The following RNF144B variants were observed in gnomAD, a reference collection of about 807,000 sequenced individuals.
The protein encoded by RNF144B is ring finger protein 144B.
RNF144B carries 25 observed loss-of-function variants against 40.2 expected under a neutral mutation model. The observed-to-expected ratio is 0.62, with a 90% CI of 0.45 to 0.87. RNF144B has a LOEUF of 0.87. Ranked by LOEUF, RNF144B falls within the 40% of genes least tolerant of loss-of-function variation. The probability of loss-of-function intolerance (pLI) is 0.00; values close to 1 mark genes in which losing one functional copy is unlikely to be tolerated. For missense variants in RNF144B, 365 were observed against 373.7 expected (o/e 0.98, Z 0.19); for synonymous variants, 145 against 136.3 (o/e 1.06, Z -0.44).
chr6:18,408,785 A>G (rs1038027001), intron 2 of RNF144B, among the ~76,000 whole-genome samples: 1 of 152,108 alleles, frequency 6.6e-6, no homozygotes, highest in Non-Finnish European at 1.5e-5. Context: ...TTACTTCCTT[A>G]TAGGCATGAC....
At chr6:18,462,017 C>G (rs1759466103) in intron 6 of RNF144B, among the ~76,000 whole-genome samples, 1 of 152,190 alleles carries the variant, frequency 6.6e-6, no homozygotes. Flanking sequence ...GTTCAGTTAT[C>G]TCTTTCCTCT....
rs1758773264 is a variant in RNF144B at position 18,434,545 on chromosome 6, C to T, written c.271-5139C>T. Among the ~76,000 whole-genome samples the T allele has an allele frequency of 1.3e-5, 2 of 152,180 alleles. No individual in the cohort carries two copies. The highest frequency in any genetic ancestry group is 4.8e-5 in the African/African-American group (2 of 41,444). On this transcript the variant is annotated intron_variant, in intron 3 of 7. Coordinates refer to ENST00000259939, the MANE Select transcript of RNF144B (RefSeq NM_182757.4). This position sits in a 1 kb window ranked among gnomAD's most constrained non-coding sequence, Gnocchi z 4.1. Reference sequence around the variant, plus strand: ...ACTCCCGTGTGTAGGTGTGGTCTGGCTTCCCTGGATATGCTCTGCTAGGGA... The same window carrying T: ...ACTCCCGTGTGTAGGTGTGGTCTGGTTTCCCTGGATATGCTCTGCTAGGGA...
At chr6:18,427,995 C>G (rs921577538) in intron 3 of RNF144B, among the ~76,000 whole-genome samples, 1 of 152,142 alleles carries the variant, frequency 6.6e-6, no homozygotes, top group African/African-American at 2.4e-5. Flanking sequence ...TGTCCCCACC[C>G]AAATCTCACC....
intron 4 of RNF144B, among the ~76,000 whole-genome samples, chr6:18,454,772 TCACCC>T (rs1445050701): frequency 6.6e-6 from 1 of 152,196 alleles, no homozygotes; most frequent in Non-Finnish European, 1.5e-5. Context: ...TTCCCTTTTG[TCACCC>T]CAGATACCTG....
intron 1 of RNF144B, among the ~76,000 whole-genome samples, chr6:18,390,229 G>T (rs1794552985): frequency 6.6e-6 from 1 of 152,090 alleles, no homozygotes; most frequent in East Asian, 1.9e-4. Flanking sequence ...ACCATTAAGA[G>T]GTATATGACA....
rs769191418 is a variant in RNF144B at position 18,409,818 on chromosome 6, C to A, written c.165+10119C>A. 3.3e-5 allele frequency among the ~76,000 whole-genome samples: 5 copies of A among 152,064 alleles called. 1 individual carries two copies. The highest frequency in any genetic ancestry group is 7.4e-5 in the Non-Finnish European group (5 of 68,024). On this transcript the variant is annotated intron_variant, in intron 2 of 7. Transcript: ENST00000259939. ...GTCCTGACCTCAAGTGACCTGCCCG[C>A]CTTGTCTTCCCAAACTGTTAGGATT...
intron 3 of RNF144B, among the ~76,000 whole-genome samples, chr6:18,427,897 G>C (rs1187291954): frequency 6.6e-6 from 1 of 152,182 alleles, no homozygotes; most frequent in Non-Finnish European, 1.5e-5. Flanking sequence ...ATACCATCTT[G>C]AGTGTTGAAG....
At chr6:18,396,548 T>C in intron 1 of RNF144B, 1 of 985,452 alleles carries the variant, frequency 1.0e-6, no homozygotes, top group Non-Finnish European at 1.2e-6. Flanking sequence ...ATTTGACATT[T>C]GGGGTGTGGG....
rs1446913535 is a variant in RNF144B at position 18,400,286 on chromosome 6, A to G, written c.165+587A>G. Among the ~76,000 whole-genome samples, 1 of 152,122 alleles carries G rather than the reference A, an allele frequency of 6.6e-6. No individual in the cohort carries two copies. The highest frequency in any genetic ancestry group is 1.5e-5 in the Non-Finnish European group (1 of 68,014). On this transcript the variant is annotated intron_variant, in intron 2 of 7. Coordinates refer to ENST00000259939, the MANE Select transcript of RNF144B (RefSeq NM_182757.4). This position sits in a 1 kb window ranked among gnomAD's most constrained non-coding sequence, Gnocchi z 5.6. ...AGACTCTGTCTCAAAAAAAAAAAAA[A>G]AAATTTAACATGCTGTAGTTAACTA... is the stretch of plus-strand genomic sequence containing the variant.
Position 18,421,271 on chromosome 6 carries a change from TATACAC to T in RNF144B, c.166-6308_166-6303del, listed in dbSNP as rs1400457343. 1.3e-3 allele frequency among the ~76,000 whole-genome samples: 169 copies of T among 131,006 alleles called. 1 individual carries two copies. The highest frequency in any genetic ancestry group is 4.4e-3 in the African/African-American group (150 of 34,034). The allele number at this position is 131,006 out of a possible 152,430, so 85.9% of individuals were successfully genotyped here. ...CATCTCAAAAAAAAAAATTATATAT[TATACAC>T]ACACACACACACACACACACACACA... On this transcript the variant is annotated intron_variant, in intron 2 of 7. Transcript: ENST00000259939.
chr6:18,461,190 G>A (rs1759444775), intron 6 of RNF144B, among the ~76,000 whole-genome samples: 1 of 152,138 alleles, frequency 6.6e-6, no homozygotes, highest in African/African-American at 2.4e-5. Context: ...TTAAGAAGAG[G>A]TATAAACTGA....
chr6:18,442,365 C>T lies in RNF144B; in HGVS notation c.331+2621C>T, dbSNP rs1368483896. Among the ~76,000 whole-genome samples the T allele has an allele frequency of 2.6e-5, 4 of 152,116 alleles. No homozygotes were observed. The highest frequency in any genetic ancestry group is 4.4e-5 in the Non-Finnish European group (3 of 68,022). ...ATACATGGAATTTATTTTTTTCTCA[C>T]GAGTTCTGGGCAGATGCCCCACTGT... On this transcript the variant is annotated intron_variant, in intron 4 of 7. Coordinates refer to ENST00000259939, the MANE Select transcript of RNF144B (RefSeq NM_182757.4). The surrounding 1 kb of genome is among the most constrained non-coding windows in gnomAD (Gnocchi z 4.3).
intron 2 of RNF144B, among the ~76,000 whole-genome samples, chr6:18,409,007 A>G (rs1421995640): frequency 1.4e-5 from 2 of 147,012 alleles, no homozygotes; most frequent in African/African-American, 2.5e-5. Context: ...CTTTCATCCC[A>G]TTGCCTCTAA....
In RNF144B at chr6:18,466,375, C is replaced by T. The variant is rs1241337544; in HGVS notation, c.*1308C>T. On this transcript the variant is annotated 3_prime_UTR_variant, in exon 8 of 8. Transcript: ENST00000259939. ...AGCATCTGTTAGGACAGTCTGAATA[C>T]TTTCTGTTTCAAGGCACTGATAAAA... is the stretch of plus-strand genomic sequence containing the variant. 2 of 152,168 alleles carry T rather than the reference C, an allele frequency of 1.3e-5. No homozygotes were observed. Among genetic ancestry groups the T allele is most frequent in the Non-Finnish European group, 2.9e-5 (2 of 68,020 alleles). The allele number at this position is 152,168 out of a possible 1,614,324, so 9.4% of individuals were successfully genotyped here. A position where few individuals can be genotyped will look rare whatever the true frequency, so the allele number is the denominator to read the frequency against.
At chr6:18,430,964 C>G (rs948514624) in intron 3 of RNF144B, among the ~76,000 whole-genome samples, 2 of 152,046 alleles carry the variant, frequency 1.3e-5, no homozygotes, top group Non-Finnish European at 2.9e-5. Context: ...AAAAGGAGGC[C>G]AGGTGCAGTG....
Position 18,419,065 on chromosome 6 carries a change from T to G in RNF144B, c.166-8516T>G, listed in dbSNP as rs1267342684. ...ACCTCAGACCCCACCCAAGATCCAC[T>G]GAATCAGAATCTGCATTTTTGATGG... On this transcript the variant is annotated intron_variant, in intron 2 of 7. Coordinates refer to ENST00000259939, the MANE Select transcript of RNF144B (RefSeq NM_182757.4). The surrounding 1 kb of genome is among the most constrained non-coding windows in gnomAD (Gnocchi z 4.6). Among the ~76,000 whole-genome samples, 3 of 152,166 alleles carry G rather than the reference T, an allele frequency of 2.0e-5. No homozygotes were observed. Among genetic ancestry groups the G allele is most frequent in the Non-Finnish European group, 4.4e-5 (3 of 68,026 alleles).
At chr6:18,445,478 G>A (rs566161811) in intron 4 of RNF144B, among the ~76,000 whole-genome samples, 1 of 152,080 alleles carries the variant, frequency 6.6e-6, no homozygotes, top group East Asian at 1.9e-4. Context: ...TTCTTGCCTC[G>A]CATAATTTAC....
chr6:18,419,260 C>T lies in RNF144B; in HGVS notation c.166-8321C>T, dbSNP rs904079627. Among the ~76,000 whole-genome samples the T allele has an allele frequency of 9.2e-5, 14 of 152,090 alleles. No homozygotes were observed. The highest frequency in any genetic ancestry group is 3.1e-4 in the African/African-American group (13 of 41,410). ...TAAGGATACCCTTCCCAGTAGTGTC[C>T]CATATCTTCCAGTGTTTCTTGTCCA... is the stretch of plus-strand genomic sequence containing the variant. On this transcript the variant is annotated intron_variant, in intron 2 of 7. Coordinates refer to ENST00000259939, the MANE Select transcript of RNF144B (RefSeq NM_182757.4). The surrounding 1 kb of genome is among the most constrained non-coding windows in gnomAD (Gnocchi z 4.6).
At position 18,422,226 on chromosome 6, in the gene RNF144B, A is replaced by G. The variant is rs77508026; in HGVS notation, c.166-5355A>G. Among the ~76,000 whole-genome samples, 1,240 of 152,302 alleles carry G rather than the reference A, an allele frequency of 8.1e-3. 12 individuals are homozygous for G. Among genetic ancestry groups the G allele is most frequent in the Middle Eastern group, 0.037 (11 of 294 alleles). ...AGAGATACTATCTTGAATTGTGCTA[A>G]TAATTTAACTCAACAGCATCTAACA... On this transcript the variant is annotated intron_variant, in intron 2 of 7. Coordinates refer to ENST00000259939, the MANE Select transcript of RNF144B (RefSeq NM_182757.4). The surrounding 1 kb of genome is among the most constrained non-coding windows in gnomAD (Gnocchi z 4.7).
Sources: allele counts gnomAD v4.1 joint callset (sites outside exome capture counted in the v4.1 genomes callset), GRCh38; gene constraint gnomAD v4.1.1; non-coding constraint Gnocchi (gnomAD v3.1); transcripts MANE v1.5; gene names NCBI Gene and HGNC (gene_info 2026-07-23, HGNC 2026-07-21).